The following MAP2 variants were observed in gnomAD, a reference collection of about 807,000 sequenced individuals.
MAP2 encodes the protein microtubule-associated protein 2.
A neutral mutation model predicts 137.6 loss-of-function variants in MAP2; 14 were observed. The observed-to-expected ratio is 0.10, with a 90% CI of 0.07 to 0.16. MAP2 has a LOEUF of 0.16. MAP2 is among the 10% of genes least tolerant of loss of function. MAP2 has a pLI of 1.00. For synonymous variants in MAP2, 786 were observed against 782.3 expected, an observed-to-expected ratio of 1.00 and a Z score of -0.08; for missense variants, 2,088 against 2,191.5, an observed-to-expected ratio of 0.95 and a Z score of 0.94.
At chr2:209,582,584 A>G (rs2076681766) in intron 3 of MAP2, among the ~76,000 whole-genome samples, 1 of 152,022 alleles carries the variant, frequency 6.6e-6, no homozygotes, top group Admixed American at 6.6e-5. Flanking sequence ...TATAAATGTA[A>G]TATGAGAAAT....
chr2:209,602,814 G>C (rs1404353189), intron 3 of MAP2, among the ~76,000 whole-genome samples: 1 of 152,124 alleles, frequency 6.6e-6, no homozygotes, highest in Non-Finnish European at 1.5e-5. Context: ...ACTTCTCTAA[G>C]TCAATATTAC....
intron 13 of MAP2, chr2:209,723,613 A>G (rs911107549): frequency 1.9e-6 from 3 of 1,612,580 alleles, no homozygotes; most frequent in Middle Eastern, 1.6e-4. Context: ...TTTAAACAAG[A>G]AGATCGATTT....
intron 14 of MAP2, 49 bp downstream of exon 14, chr2:209,725,839 G>C (rs1209491288): frequency 2.3e-6 from 3 of 1,300,580 alleles, no homozygotes; most frequent in African/African-American, 1.5e-5. Context: ...CTGGAATCAA[G>C]AAAGGGATGA....
chr2:209,460,649 C>G (rs1450873071), intron 1 of MAP2, among the ~76,000 whole-genome samples: 1 of 149,086 alleles, frequency 6.7e-6, no homozygotes, highest in Non-Finnish European at 1.5e-5. Context: ...TCTTTTCACT[C>G]TCTTTTTTCA....
At chr2:209,587,735 T>A (rs1042931828) in intron 3 of MAP2, among the ~76,000 whole-genome samples, 2 of 152,128 alleles carry the variant, frequency 1.3e-5, no homozygotes, top group Non-Finnish European at 2.9e-5. Context: ...CAAGTGCATG[T>A]TAAATATCTG....
intron 2 of MAP2, among the ~76,000 whole-genome samples, chr2:209,544,852 A>C (rs529131841): frequency 3.0e-4 from 45 of 152,330 alleles, no homozygotes; most frequent in South Asian, 1.2e-3. Flanking sequence ...TGCACATTGA[A>C]ATACAATTAC....
rs1171136541 is a variant in MAP2 at position 209,653,130 on chromosome 2, T to C, written c.-29-12T>C. On this transcript the variant is annotated splice_polypyrimidine_tract_variant and intron_variant, in intron 4 of 15. Transcript: ENST00000682079. Reference sequence around the variant, plus strand: ...TTCCCCAAAGTAATAGCTACTATTTTTTCTCTTTCAGTTGCAGGAGAAATA... The same window carrying C: ...TTCCCCAAAGTAATAGCTACTATTTCTTCTCTTTCAGTTGCAGGAGAAATA... 1.3e-6 allele frequency: 2 copies of C among 1,536,438 alleles called. No individual in the cohort carries two copies. The highest frequency in any genetic ancestry group is 2.1e-5 in the Admixed American group (1 of 47,580).
chr2:209,447,017 C>T (rs1699231348), intron 1 of MAP2, among the ~76,000 whole-genome samples: 1 of 151,846 alleles, frequency 6.6e-6, no homozygotes, highest in South Asian at 2.1e-4. Context: ...TTTTTTCTGG[C>T]AAAGCTGCAG....
chr2:209,449,683 T>G (rs905690391), intron 1 of MAP2, among the ~76,000 whole-genome samples: 1 of 152,168 alleles, frequency 6.6e-6, no homozygotes, highest in Non-Finnish European at 1.5e-5. Context: ...TTGAGTGAGT[T>G]TCATCATTAA....
chr2:209,669,379 A>G (rs1443342083), intron 5 of MAP2, among the ~76,000 whole-genome samples: 1 of 152,070 alleles, frequency 6.6e-6, no homozygotes, highest in African/African-American at 2.4e-5. Context: ...AAGGCTTCCA[A>G]AGATTTCTAA....
intron 7 of MAP2, among the ~76,000 whole-genome samples, chr2:209,688,368 TATTAAATAGCATC>T (rs1448786534): frequency 6.6e-6 from 1 of 152,202 alleles, no homozygotes; most frequent in African/African-American, 2.4e-5. Context: ...ATAATATTAC[TATTAAATAGCATC>T]TTTAAATAGC....
rs191584373 is a variant in MAP2, at chr2:209,590,193, A to T, written c.-107+10093A>T. Reference sequence around the variant, plus strand: ...TATCTGGTCTCCCTTCCCCAAACACATCACTACCTTAATCTTCCAGACAAA... The same window carrying T: ...TATCTGGTCTCCCTTCCCCAAACACTTCACTACCTTAATCTTCCAGACAAA... On this transcript the variant is annotated intron_variant, in intron 3 of 15. Coordinates refer to ENST00000682079, the MANE Select transcript of MAP2 (RefSeq NM_001375505.1). Among the ~76,000 whole-genome samples the T allele has an allele frequency of 2.0e-4, 30 of 152,262 alleles. No individual in the cohort carries two copies. The East Asian group carries it at 5.6e-3, about 28-fold the overall frequency.
chr2:209,631,307 T>A (rs1469640761), intron 4 of MAP2, among the ~76,000 whole-genome samples: 1 of 152,120 alleles, frequency 6.6e-6, no homozygotes, highest in East Asian at 1.9e-4. Context: ...AACCAACGTT[T>A]CAGTACACAT....
At chr2:209,496,159 G>C (rs749241216) in intron 1 of MAP2, among the ~76,000 whole-genome samples, 2 of 152,160 alleles carry the variant, frequency 1.3e-5, no homozygotes, top group Admixed American at 6.5e-5. Context: ...TCATGACTCA[G>C]CCTCTTTTTC....
At chr2:209,625,238 T>C (rs1352144965) in intron 4 of MAP2, 109 bp downstream of exon 4, 1 of 152,184 alleles carries the variant, frequency 6.6e-6, no homozygotes, top group African/African-American at 2.4e-5. Context: ...ATTTTAGTAA[T>C]GGAGAAATAA....
intron 2 of MAP2, among the ~76,000 whole-genome samples, chr2:209,570,595 C>G (rs1289744799): frequency 6.6e-6 from 1 of 151,768 alleles, no homozygotes; most frequent in Non-Finnish European, 1.5e-5. Flanking sequence ...AAAAATGGAC[C>G]AAGCCCGTAT....
At chr2:209,547,339 A>G (rs112737780) in intron 2 of MAP2, among the ~76,000 whole-genome samples, 4,077 of 151,698 alleles carry the variant, frequency 0.027, 187 homozygotes, top group African/African-American at 0.094. Flanking sequence ...TTTTTTAAAT[A>G]TGTTTGCTTT....
Position 209,552,940 on chromosome 2 carries a change from G to A in MAP2, c.-171-27096G>A, listed in dbSNP as rs555203154. 3.3e-5 allele frequency among the ~76,000 whole-genome samples: 5 copies of A among 152,004 alleles called. No homozygotes were observed. The East Asian group carries it at 9.7e-4, about 29-fold the overall frequency. ...TTAATTTAGCTGGGAAAAATATTAAGACTATAACAAACACTGTTTGACAGC... is the reference window on the plus strand; with the variant it reads ...TTAATTTAGCTGGGAAAAATATTAAAACTATAACAAACACTGTTTGACAGC... On this transcript the variant is annotated intron_variant, in intron 2 of 15. Transcript: ENST00000682079.
chr2:209,475,798 A>G (rs1559210111), intron 1 of MAP2, among the ~76,000 whole-genome samples: 1 of 152,174 alleles, frequency 6.6e-6, no homozygotes, highest in Non-Finnish European at 1.5e-5. Context: ...GAATATATTT[A>G]TAGTACTTAA....
Sources: gnomAD v4.1 joint callset for allele counts (sites outside exome capture counted in the v4.1 genomes callset) on GRCh38, gnomAD v4.1.1 for gene constraint, MANE v1.5 for transcripts, NCBI Gene and HGNC (gene_info 2026-07-23, HGNC 2026-07-21) for gene names.